Variants in CRADD observed in about 807,000 individuals in gnomAD.
CRADD encodes CARD and death domain containing adaptor protein.
In CRADD, 9 loss-of-function variants were observed where a neutral mutation model predicts 15.5. The observed-to-expected ratio is 0.58, with a 90% CI of 0.35 to 1.01. The LOEUF (loss-of-function observed/expected upper bound fraction) is 1.01, where lower values mean the gene tolerates loss of function less well. Among genes scored for constraint, CRADD ranks in the 50% least tolerant of loss-of-function variants. The pLI, the probability that CRADD is intolerant of heterozygous loss-of-function variation, is 0.02. For missense variants in CRADD, 227 were observed against 250.3 expected (o/e 0.91, Z 0.63); for synonymous variants, 118 against 107.6 (o/e 1.10, Z -0.60).
chr12:93,888,380 G>C (rs1419511013), intron 2 of CRADD, among the ~76,000 whole-genome samples: 2 of 149,766 alleles, frequency 1.3e-5, no homozygotes, highest in Non-Finnish European at 3.0e-5. Context: ...AGCCGAGATC[G>C]TGCCACTGCA....
intron 2 of CRADD, among the ~76,000 whole-genome samples, chr12:93,877,452 G>A (rs563798543): frequency 5.9e-5 from 9 of 152,344 alleles, no homozygotes; most frequent in African/African-American, 2.2e-4. Context: ...GGGTCCAGAG[G>A]TGCTGTACAG....
chr12:93,725,107 G>A (rs150941094), intron 2 of CRADD, among the ~76,000 whole-genome samples: 2,234 of 152,226 alleles, frequency 0.015, 59 homozygotes, highest in African/African-American at 0.051. Flanking sequence ...TGATTCGCCT[G>A]CCTTGGCCTC....
intron 2 of CRADD, among the ~76,000 whole-genome samples, chr12:93,755,765 C>A (rs1034668238): frequency 2.6e-5 from 4 of 152,078 alleles, no homozygotes; most frequent in African/African-American, 9.7e-5. Context: ...TCCGCAGAGC[C>A]CCTCTCTGCC....
At chr12:93,842,200 G>A (rs1419271978) in intron 2 of CRADD, among the ~76,000 whole-genome samples, 1 of 152,122 alleles carries the variant, frequency 6.6e-6, no homozygotes, top group African/African-American at 2.4e-5. Context: ...TTACCTGTAA[G>A]GTGATCACAT....
At chr12:93,817,533 G>T (rs1284676153) in intron 2 of CRADD, among the ~76,000 whole-genome samples, 1 of 152,082 alleles carries the variant, frequency 6.6e-6, no homozygotes, top group Admixed American at 6.5e-5. Context: ...TATGGTTGGC[G>T]GGCTGAATTT....
intron 2 of CRADD, among the ~76,000 whole-genome samples, chr12:93,892,101 G>T (rs1327756498): frequency 6.6e-6 from 1 of 152,164 alleles, no homozygotes; most frequent in African/African-American, 2.4e-5. Flanking sequence ...GATATACGTT[G>T]TGCACAAAGA....
At chr12:93,845,784 TGTG>T (rs979334858) in intron 2 of CRADD, among the ~76,000 whole-genome samples, 35 of 152,168 alleles carry the variant, frequency 2.3e-4, no homozygotes, top group African/African-American at 8.0e-4. Context: ...TATTTTTAAT[TGTG>T]GTAAAATGTA....
intron 2 of CRADD, among the ~76,000 whole-genome samples, chr12:93,876,846 G>T (rs1184036459): frequency 6.6e-6 from 1 of 152,006 alleles, no homozygotes; most frequent in Admixed American, 6.6e-5. Flanking sequence ...ATTTCATTTG[G>T]TGAGGTCATG....
At chr12:93,748,776 G>A (rs1403612769) in intron 2 of CRADD, among the ~76,000 whole-genome samples, 2 of 152,180 alleles carry the variant, frequency 1.3e-5, no homozygotes, top group Non-Finnish European at 2.9e-5. Context: ...AGAGGTTTCT[G>A]GAAGAAAGAC....
At position 93,850,124 on chromosome 12, in the gene CRADD, C is replaced by T. The variant is rs773651482; in HGVS notation, c.453C>T (p.Asn151=). ...CGGATATCTACCGCTGTAAGGCCAA[C>T]CACCCCCACAACGTGCAGTCGCAGG... ...SQTDIYRCKA[N]HPHNVQSQVV... Residue 151 remains asparagine (N), a synonymous_variant, in exon 3 of 3, where the codon AAC becomes AAT. Transcript: ENST00000332896. This position sits in a 1 kb window ranked among gnomAD's most constrained non-coding sequence, Gnocchi z 4.0. 6.2e-6 allele frequency: 10 copies of T among 1,614,138 alleles called. No homozygotes were observed. Among genetic ancestry groups the T allele is most frequent in the Admixed American group, 5.0e-5 (3 of 60,014 alleles).
intron 2 of CRADD, among the ~76,000 whole-genome samples, chr12:93,819,951 A>C (rs1031464465): frequency 6.6e-6 from 1 of 152,216 alleles, no homozygotes; most frequent in South Asian, 2.1e-4. Flanking sequence ...TTTCACTCTC[A>C]TATCACTCAG....
intron 2 of CRADD, among the ~76,000 whole-genome samples, chr12:93,746,156 C>T (rs1238152440): frequency 6.6e-6 from 1 of 152,150 alleles, no homozygotes; most frequent in Non-Finnish European, 1.5e-5. Flanking sequence ...AATTAATGAG[C>T]TACAGGATTC....
chr12:93,808,944 C>T (rs888380183), intron 2 of CRADD, among the ~76,000 whole-genome samples: 5 of 151,976 alleles, frequency 3.3e-5, no homozygotes, highest in Admixed American at 3.3e-4. Flanking sequence ...GATTGAGTTT[C>T]ACTCTTGTTG....
downstream of CRADD, among the ~76,000 whole-genome samples, chr12:93,852,211 T>A (rs1958231048): frequency 6.6e-6 from 1 of 152,202 alleles, no homozygotes; most frequent in South Asian, 2.1e-4. Flanking sequence ...TAATAGAGAG[T>A]TGCTTTGGCT....
intron 2 of CRADD, among the ~76,000 whole-genome samples, chr12:93,786,335 T>G (rs998509330): frequency 2.0e-5 from 3 of 152,196 alleles, no homozygotes; most frequent in African/African-American, 7.2e-5. Context: ...ACATCTGTAT[T>G]TAACTTCTCA....
At chr12:93,725,119 CA>C (rs774037980) in intron 2 of CRADD, among the ~76,000 whole-genome samples, 3 of 152,176 alleles carry the variant, frequency 2.0e-5, no homozygotes, top group Non-Finnish European at 4.4e-5. Context: ...CTTGGCCTCC[CA>C]AAGTGCTGGG....
chr12:93,869,573 G>T (rs150851089), intron 2 of CRADD, among the ~76,000 whole-genome samples: 176 of 152,190 alleles, frequency 1.2e-3, no homozygotes, highest in Non-Finnish European at 2.3e-3. Context: ...AGATGAAAAT[G>T]CTGAAAAAGA....
In CRADD at chr12:93,692,353, T is replaced by C. The variant is rs180815832; in HGVS notation, c.298+13281T>C. Among the ~76,000 whole-genome samples, 237 of 152,262 alleles carry C rather than the reference T, an allele frequency of 1.6e-3. 1 individual carries two copies. The highest frequency in any genetic ancestry group is 5.5e-3 in the African/African-American group (228 of 41,560). ...AACTTTCCAAATCTGGGGAAAGATA[T>C]AATATCCAGGTACAGGAAGGTCAAA... On this transcript the variant is annotated intron_variant, in intron 2 of 2. Transcript: ENST00000332896.
chr12:93,801,927 T>C (rs1197443399), intron 2 of CRADD, among the ~76,000 whole-genome samples: 2 of 152,230 alleles, frequency 1.3e-5, no homozygotes, highest in African/African-American at 2.4e-5. Context: ...CTCCCACTTA[T>C]AAGTGAGAAC....
Sources: gnomAD v4.1 joint callset for allele counts (sites outside exome capture counted in the v4.1 genomes callset) on GRCh38, gnomAD v4.1.1 for gene constraint, Gnocchi (gnomAD v3.1) non-coding constraint, MANE v1.5 for transcripts, NCBI Gene and HGNC (gene_info 2026-07-23, HGNC 2026-07-21) for gene names.